Variants in OLFM1 observed in about 807,000 individuals in gnomAD.
OLFM1 encodes olfactomedin 1.
A neutral mutation model predicts 49.7 loss-of-function variants in OLFM1; 9 were observed. The ratio of observed to expected loss-of-function variants is 0.18; its 90% CI spans 0.11 to 0.32. The LOEUF is 0.32. OLFM1 is among the 10% of genes least tolerant of loss of function. OLFM1 has a pLI of 1.00. For missense variants in OLFM1, 369 were observed against 661.8 expected (o/e 0.56, Z 4.85); for synonymous variants, 240 against 271.8 (o/e 0.88, Z 1.15).
chr9:135,084,309 TTCTC>T (rs140521547), upstream of OLFM1, among the ~76,000 whole-genome samples: 7,575 of 149,814 alleles, frequency 0.051, 669 homozygotes, highest in African/African-American at 0.18. This position sits in a 1 kb window ranked among gnomAD's most constrained non-coding sequence, Gnocchi z 4.6. Context: ...TCTATCTTTC[TTCTC>T]TCTCTCTCTT....
intron 2 of OLFM1, among the ~76,000 whole-genome samples, chr9:135,091,655 A>T (rs867822810): frequency 3.0e-5 from 3 of 100,008 alleles, no homozygotes; most frequent in Admixed American, 1.0e-4. Context: ...TCACATAGTC[A>T]CACACACACA....
In OLFM1 at chr9:135,117,563, C is replaced by T. The variant is rs1032397660; in HGVS notation, c.784-1941C>T. Among the ~76,000 whole-genome samples, 2 of 152,230 alleles carry T rather than the reference C, an allele frequency of 1.3e-5. No individual in the cohort carries two copies. Among genetic ancestry groups the T allele is most frequent in the African/African-American group, 4.8e-5 (2 of 41,454 alleles). ...GCTGCCTGGGGCTGTGAGCATTTGC[C>T]CTCGGCTAGGCCAGGTGGCTGTGCC... is the stretch of plus-strand genomic sequence containing the variant. On this transcript the variant is annotated intron_variant, in intron 5 of 5. Transcript: ENST00000371793. The surrounding 1 kb of genome is among the most constrained non-coding windows in gnomAD (Gnocchi z 5.5).
chr9:135,106,662 C>A, intron 4 of OLFM1, 87 bp from the exon 5 acceptor site: 1 of 954,440 alleles, frequency 1.0e-6, no homozygotes, highest in Non-Finnish European at 1.6e-6. Context: ...CCACATGGCA[C>A]GTGTGCTCTG....
At chr9:135,087,514 T>C, upstream of OLFM1, 1 of 1,379,076 alleles carries the variant, frequency 7.3e-7, no homozygotes, top group Non-Finnish European at 9.5e-7. Flanking sequence ...CTGGGCGGAC[T>C]GGAGTTTGCA....
chr9:135,108,765 T>C (rs2119132994), intron 5 of OLFM1, among the ~76,000 whole-genome samples: 1 of 152,358 alleles, frequency 6.6e-6, no homozygotes. Context: ...CTGCGTGCCC[T>C]TCCTGCTTTG....
Position 135,077,052 on chromosome 9 carries a change from T to C in OLFM1, c.96+1250T>C, listed in dbSNP as rs1291350246. 7.4e-6 allele frequency: 11 copies of C among 1,493,224 alleles called. No homozygotes were observed. In the African/African-American group the frequency reaches 1.9e-4, roughly 25 times the overall value. 92.5% of individuals were successfully genotyped at this position (1,493,224 alleles called of 1,614,324 possible). A position where few individuals can be genotyped will look rare whatever the true frequency, so the allele number is the denominator to read the frequency against. On this transcript the variant is annotated intron_variant, in intron 1 of 5. Transcript: ENST00000252854. ...GATCAGCCAGTCCCTCCTGGAGAGGTTCTGCATGGCCTCTAGGAGAGGTTT... is the reference window on the plus strand; with the variant it reads ...GATCAGCCAGTCCCTCCTGGAGAGGCTCTGCATGGCCTCTAGGAGAGGTTT...
Position 135,087,934 on chromosome 9 carries a change from T to A in OLFM1, c.-56T>A. ...CGGTGCCCGCCGCCTGAAGGCCGCCTGGGCGCGGGAGCCGGTGCCAGCTCG... is the reference window on the plus strand; with the variant it reads ...CGGTGCCCGCCGCCTGAAGGCCGCCAGGGCGCGGGAGCCGGTGCCAGCTCG... On this transcript the variant is annotated 5_prime_UTR_variant, in exon 1 of 6. Transcript: ENST00000371793. 1 of 1,326,634 alleles carries A rather than the reference T, an allele frequency of 7.5e-7. No homozygotes were observed. The allele number at this position is 1,326,634 out of a possible 1,614,324, so 82.2% of individuals were successfully genotyped here.
rs895331882 is a variant in OLFM1, at chr9:135,117,429, C to T, written c.784-2075C>T. On this transcript the variant is annotated intron_variant, in intron 5 of 5. Transcript: ENST00000371793. This position sits in a 1 kb window ranked among gnomAD's most constrained non-coding sequence, Gnocchi z 5.5. Reference sequence around the variant, plus strand: ...GCAGACAGGATGACTCAGTCCGTGCCGCAGCGATGGCTTGGTGGGAGGAGA... The same window carrying T: ...GCAGACAGGATGACTCAGTCCGTGCTGCAGCGATGGCTTGGTGGGAGGAGA... 2.0e-5 allele frequency among the ~76,000 whole-genome samples: 3 copies of T among 152,186 alleles called. 1 individual carries two copies. The highest frequency in any genetic ancestry group is 4.1e-4 in the South Asian group (2 of 4,822).
At chr9:135,116,397 C>T (rs11790027) in intron 5 of OLFM1, among the ~76,000 whole-genome samples, 22,818 of 152,014 alleles carry the variant, frequency 0.15, 1,933 homozygotes, top group African/African-American at 0.23. Context: ...CTTCAGAGTG[C>T]GGTATCCTGT....
chr9:135,095,515 CAAA>C (rs145823718), intron 2 of OLFM1, among the ~76,000 whole-genome samples: 1 of 119,286 alleles, frequency 8.4e-6, no homozygotes. Context: ...CCACCACTAC[CAAA>C]AAAAAAAAAA....
Position 135,088,591 on chromosome 9 carries a change from G to T in OLFM1, c.150+452G>T, listed in dbSNP as rs939624299. On this transcript the variant is annotated intron_variant, in intron 1 of 5. Transcript: ENST00000371793. This position sits in a 1 kb window ranked among gnomAD's most constrained non-coding sequence, Gnocchi z 4.8. ...GCTCGGTCCAGCGGGGACTGAGCCC[G>T]CCCTAGTTTGTAAAAGCCAGACTGG... Among the ~76,000 whole-genome samples, 3 of 152,052 alleles carry T rather than the reference G, an allele frequency of 2.0e-5. No homozygotes were observed. The highest frequency in any genetic ancestry group is 2.0e-4 in the Admixed American group (3 of 15,278).
rs182805376 is a variant in OLFM1, at chr9:135,089,724, G to A, written c.151-471G>A. On this transcript the variant is annotated intron_variant, in intron 1 of 5. Coordinates refer to ENST00000371793, the MANE Select transcript of OLFM1 (RefSeq NM_001282611.2). ...GTGGGTGCTTCGTCTGCAAGTGTCA[G>A]GGAACGGCAGGGCGAGGCTTGGTGG... Among the ~76,000 whole-genome samples the A allele has an allele frequency of 4.6e-5, 7 of 152,302 alleles. No individual in the cohort carries two copies. The East Asian group carries it at 1.4e-3, about 29-fold the overall frequency.
At chr9:135,077,620 G>A (rs1830484890) in intron 1 of OLFM1, among the ~76,000 whole-genome samples, 2 of 152,174 alleles carry the variant, frequency 1.3e-5, no homozygotes, top group South Asian at 2.1e-4. Flanking sequence ...CCAGCCCACA[G>A]CCTCCGCGGG....
At chr9:135,090,663 A>G (rs1477026174) in intron 2 of OLFM1, among the ~76,000 whole-genome samples, 1 of 152,108 alleles carries the variant, frequency 6.6e-6, no homozygotes, top group Non-Finnish European at 1.5e-5. Context: ...CTCCACTGAG[A>G]AGTCACATGG....
intron 3 of OLFM1, among the ~76,000 whole-genome samples, chr9:135,097,101 C>T (rs1381626543): frequency 2.0e-5 from 3 of 152,204 alleles, no homozygotes; most frequent in Non-Finnish European, 4.4e-5. Context: ...TGCTGGTGTA[C>T]TCTGTCTCTG....
intron 5 of OLFM1, among the ~76,000 whole-genome samples, chr9:135,111,766 G>A (rs1354425255): frequency 6.6e-6 from 1 of 152,188 alleles, no homozygotes; most frequent in Non-Finnish European, 1.5e-5. Context: ...CTGGAGTGCA[G>A]TGGTGCAATC....
intron 1 of OLFM1, among the ~76,000 whole-genome samples, chr9:135,079,605 A>C (rs1254541961): frequency 2.0e-5 from 3 of 151,950 alleles, no homozygotes; most frequent in African/African-American, 7.3e-5. Flanking sequence ...ATTCTGTCTC[A>C]AAAAAAAGAA....
In OLFM1 at chr9:135,108,869, C is replaced by A. The variant is rs1396278583; in HGVS notation, c.783+2014C>A. 2.0e-5 allele frequency among the ~76,000 whole-genome samples: 3 copies of A among 152,098 alleles called. No homozygotes were observed. In the East Asian group the frequency reaches 5.8e-4, roughly 29 times the overall value. On this transcript the variant is annotated intron_variant, in intron 5 of 5. Transcript: ENST00000371793. ...CCCAGAGGCAGAAGGGTCTCAGGAT[C>A]ATGGAGTGCCTGTCTGCAGCATGCA... is the stretch of plus-strand genomic sequence containing the variant.
chr9:135,119,402 G>A (rs1588226651), intron 5 of OLFM1, 102 bp from the exon 6 acceptor site: 1 of 980,094 alleles, frequency 1.0e-6, no homozygotes, highest in Non-Finnish European at 1.5e-6. Flanking sequence ...TGCTCAGTGG[G>A]TCTTTGGAGT....
Sources: allele counts gnomAD v4.1 joint callset (sites outside exome capture counted in the v4.1 genomes callset), GRCh38; gene constraint gnomAD v4.1.1; non-coding constraint Gnocchi (gnomAD v3.1); transcripts MANE v1.5; gene names NCBI Gene and HGNC (gene_info 2026-07-23, HGNC 2026-07-21).